Variants in DDX52 observed in about 807,000 individuals in gnomAD.
The protein encoded by DDX52 is DExD-box helicase 52.
A neutral mutation model predicts 76.1 loss-of-function variants in DDX52; 59 were observed. The observed-to-expected ratio is 0.78, with a 90% CI of 0.63 to 0.96. The LOEUF (loss-of-function observed/expected upper bound fraction) is 0.96. DDX52 is among the 40% of genes least tolerant of loss of function. The pLI, the probability that DDX52 is intolerant of heterozygous loss-of-function variation, is 0.00. For synonymous variants in DDX52, 231 were observed against 244.1 expected (o/e 0.95, Z 0.50); for missense variants, 707 against 703.9 (o/e 1.00, Z -0.05).
intron 12 of DDX52, chr17:37,620,642 T>G (rs1015898803): frequency 7.3e-6 from 3 of 409,702 alleles, no homozygotes; most frequent in East Asian, 8.6e-5. Flanking sequence ...AGTCTGAAAC[T>G]TACAATGAAC....
In DDX52 at chr17:37,633,300, GA is replaced by G. The variant is rs1211261605; in HGVS notation, c.404del (p.Leu135ProfsTer6). 6.2e-7 allele frequency: 1 copy of G among 1,602,208 alleles called. No homozygotes were observed. The highest frequency in any genetic ancestry group is 1.7e-5 in the Admixed American group (1 of 57,846). On this transcript the variant is annotated frameshift_variant, in exon 3 of 15. Transcript: ENST00000617633. LOFTEE classifies it high-confidence loss of function. ...ATATTTTTCTAACCTTTTCTTTTCTGAGATTCTCCAACTTTCCGGAAGTTAG... is the reference window on the plus strand; with the variant it reads ...ATATTTTTCTAACCTTTTCTTTTCTGGATTCTCCAACTTTCCGGAAGTTAG... The part of the protein sequence containing the change: ...SKLTSGKLEN[L>X]RKEKINFLRN...
intron 2 of DDX52, among the ~76,000 whole-genome samples, chr17:37,641,695 C>T (rs571562762): frequency 6.6e-5 from 10 of 152,214 alleles, no homozygotes; most frequent in African/African-American, 2.4e-4. Flanking sequence ...CGAGATCGCG[C>T]CACTGCACTC....
At chr17:37,635,267 T>C (rs553002717) in intron 2 of DDX52, among the ~76,000 whole-genome samples, 17 of 152,314 alleles carry the variant, frequency 1.1e-4, no homozygotes, top group African/African-American at 3.9e-4. Context: ...ATATTTAAAG[T>C]ATCTAATTTG....
At chr17:37,640,662 T>G (rs73293899) in intron 2 of DDX52, among the ~76,000 whole-genome samples, 3 of 99,242 alleles carry the variant, frequency 3.0e-5, no homozygotes, top group Middle Eastern at 7.0e-3. Flanking sequence ...TAAAAAAATA[T>G]AAACAGCCCT....
At chr17:37,633,788 T>C (rs2030799595) in intron 2 of DDX52, among the ~76,000 whole-genome samples, 1 of 151,898 alleles carries the variant, frequency 6.6e-6, no homozygotes, top group African/African-American at 2.4e-5. Flanking sequence ...TGTATAAAAA[T>C]GGAAATGAAA....
At chr17:37,621,830 T>C (rs1021755137) in intron 9 of DDX52, among the ~76,000 whole-genome samples, 3 of 152,262 alleles carry the variant, frequency 2.0e-5, no homozygotes, top group Non-Finnish European at 4.4e-5. Context: ...CTTCTGTGCC[T>C]CAAAACCTTT....
intron 6 of DDX52, among the ~76,000 whole-genome samples, chr17:37,627,456 A>G (rs571165592): frequency 6.6e-6 from 1 of 152,052 alleles, no homozygotes; most frequent in African/African-American, 2.4e-5. Flanking sequence ...TATGCTGTCC[A>G]GGCTGGTCTC....
chr17:37,612,449 G>C lies in DDX52; in HGVS notation c.*1847C>G, dbSNP rs2064379004. On this transcript the variant is annotated 3_prime_UTR_variant, in exon 15 of 15. Transcript: ENST00000617633. ...TTATACAAGTCTACATGTTCCAACT[G>C]TCTATAGCATGCAGGACAGTAACAT... 6.6e-6 allele frequency: 1 copy of C among 152,136 alleles called. No homozygotes were observed. Among genetic ancestry groups the C allele is most frequent in the Admixed American group, 6.5e-5 (1 of 15,270 alleles). The allele number at this position is 152,136 out of a possible 1,614,324, so 9.4% of individuals were successfully genotyped here. A position where few individuals can be genotyped will look rare whatever the true frequency, so the allele number is the denominator to read the frequency against.
At chr17:37,635,425 G>A in intron 2 of DDX52, 1 of 338,704 alleles carries the variant, frequency 3.0e-6, no homozygotes, top group Non-Finnish European at 5.8e-6. Flanking sequence ...CTATAGACTA[G>A]TTTGCCTTTT....
intron 14 of DDX52, among the ~76,000 whole-genome samples, chr17:37,615,387 C>T (rs1411169009): frequency 8.5e-5 from 13 of 152,110 alleles, no homozygotes; most frequent in Admixed American, 8.5e-4. Flanking sequence ...TTTTAATAAC[C>T]TCAGAAGAAG....
At chr17:37,637,533 T>G (rs544436690) in intron 2 of DDX52, among the ~76,000 whole-genome samples, 2 of 152,244 alleles carry the variant, frequency 1.3e-5, no homozygotes, top group East Asian at 3.9e-4. Flanking sequence ...GCACTGGCAT[T>G]ATAGGTGAGC....
intron 3 of DDX52, 98 bp from the exon 4 acceptor site, chr17:37,632,396 G>C: frequency 7.3e-7 from 1 of 1,378,062 alleles, no homozygotes; most frequent in South Asian, 1.3e-5. Flanking sequence ...ATAACCTTTA[G>C]CAGCATATGA....
In DDX52 at chr17:37,621,339, T is replaced by C. The variant is rs201289076; in HGVS notation, c.1350+59A>G. The C allele has an allele frequency of 3.3e-4, 522 of 1,595,146 alleles. 2 individuals are homozygous for C. The highest frequency in any genetic ancestry group is 4.0e-4 in the Non-Finnish European group (471 of 1,171,964). On this transcript the variant is annotated intron_variant, in intron 10 of 14. Coordinates refer to ENST00000617633, the MANE Select transcript of DDX52 (RefSeq NM_007010.5). ...GAAAACAGGTACTTCATAAATTTAA[T>C]GTCAATAGTTTAAAATCAAGTAGTT...
At position 37,613,270 on chromosome 17, in the gene DDX52, C is replaced by T. The variant is rs2064388366; in HGVS notation, c.*1026G>A. ...TCTAATAGCTAATAGTCTCCAACAC[C>T]ATATGATCATAATCCTTTAGCTTAA... On this transcript the variant is annotated 3_prime_UTR_variant, in exon 15 of 15. Transcript: ENST00000617633. 6.6e-6 allele frequency: 1 copy of T among 152,140 alleles called. No individual in the cohort carries two copies. Among genetic ancestry groups the T allele is most frequent in the African/African-American group, 2.4e-5 (1 of 41,440 alleles). The allele number at this position is 152,140 out of a possible 1,614,324, so 9.4% of individuals were successfully genotyped here.
At chr17:37,640,422 C>A (rs1289955033) in intron 2 of DDX52, among the ~76,000 whole-genome samples, 1 of 151,752 alleles carries the variant, frequency 6.6e-6, no homozygotes, top group Non-Finnish European at 1.5e-5. Context: ...ATAAAATAAT[C>A]AAAGTATATA....
At chr17:37,627,934 A>AT (rs1221344442) in intron 6 of DDX52, among the ~76,000 whole-genome samples, 2 of 151,060 alleles carry the variant, frequency 1.3e-5, no homozygotes, top group Non-Finnish European at 3.0e-5. Context: ...TGCCTGGCTA[A>AT]TTTTTTTTTA....
intron 2 of DDX52, among the ~76,000 whole-genome samples, chr17:37,638,589 T>C (rs2031037015): frequency 6.6e-6 from 1 of 152,100 alleles, no homozygotes; most frequent in Non-Finnish European, 1.5e-5. Flanking sequence ...TTAGTCAACA[T>C]AAGATAAAAC....
At chr17:37,628,269 C>T (rs1192996458) in intron 6 of DDX52, among the ~76,000 whole-genome samples, 3 of 152,174 alleles carry the variant, frequency 2.0e-5, no homozygotes, top group Non-Finnish European at 4.4e-5. Context: ...CTAGTAACTA[C>T]AGGCTAGTAG....
chr17:37,630,603 G>C (rs1301786218), intron 4 of DDX52, among the ~76,000 whole-genome samples: 1 of 150,106 alleles, frequency 6.7e-6, no homozygotes, highest in Non-Finnish European at 1.5e-5. Flanking sequence ...TGAGGGCAGA[G>C]TAATTTACAG....
Sources: gnomAD v4.1 joint callset for allele counts (sites outside exome capture counted in the v4.1 genomes callset) on GRCh38, gnomAD v4.1.1 for gene constraint, MANE v1.5 for transcripts, NCBI Gene and HGNC (gene_info 2026-07-23, HGNC 2026-07-21) for gene names.